Variants in CAMTA1 observed in about 807,000 individuals in gnomAD.
CAMTA1 encodes the protein calmodulin binding transcription activator 1.
In CAMTA1, 27 loss-of-function variants were observed where a neutral mutation model predicts 170.9. The ratio of observed to expected loss-of-function variants is 0.16; its 90% CI spans 0.12 to 0.22. CAMTA1 has a LOEUF of 0.22. Among genes scored for constraint, CAMTA1 ranks in the 10% least tolerant of loss-of-function variants. The pLI, the probability that CAMTA1 is intolerant of heterozygous loss-of-function variation, is 1.00. For missense variants in CAMTA1, 1,619 were observed against 2,217.2 expected (o/e 0.73, Z 5.42); for synonymous variants, 833 against 891.5 (o/e 0.93, Z 1.17).
At chr1:7,620,779 G>A (rs1236880112) in intron 6 of CAMTA1, among the ~76,000 whole-genome samples, 1 of 152,154 alleles carries the variant, frequency 6.6e-6, no homozygotes, top group Non-Finnish European at 1.5e-5. Flanking sequence ...GTCCCCTGAG[G>A]CAAATTTTGG....
intron 11 of CAMTA1, among the ~76,000 whole-genome samples, chr1:7,724,378 G>A (rs6693805): frequency 0.14 from 21,506 of 152,198 alleles, 1,744 homozygotes; most frequent in East Asian, 0.22. Flanking sequence ...AGGAAACTGA[G>A]TGAGGGGCAT....
chr1:7,511,403 T>C (rs11120958), intron 6 of CAMTA1, among the ~76,000 whole-genome samples: 11,795 of 112,628 alleles, frequency 0.1, 1,919 homozygotes, highest in African/African-American at 0.28. Context: ...TTGGCATCTT[T>C]GTGGCATTTA....
intron 6 of CAMTA1, among the ~76,000 whole-genome samples, chr1:7,612,167 G>C (rs114870510): frequency 8.9e-4 from 135 of 152,280 alleles, no homozygotes; most frequent in African/African-American, 3.2e-3. Flanking sequence ...CTTCTTGTCC[G>C]GTATCCCAGA....
At chr1:7,134,877 A>G (rs12072228) in intron 4 of CAMTA1, among the ~76,000 whole-genome samples, 48,798 of 151,876 alleles carry the variant, frequency 0.32, 8,221 homozygotes, top group Middle Eastern at 0.44. Context: ...GAGGTCTAAT[A>G]TCCAGAATCC....
chr1:7,421,745 G>A (rs1423007178), intron 5 of CAMTA1, among the ~76,000 whole-genome samples: 3 of 152,196 alleles, frequency 2.0e-5, no homozygotes, highest in Non-Finnish European at 4.4e-5. Flanking sequence ...GTCCGTGATG[G>A]AGGATGGGAA....
At chr1:7,261,586 C>T (rs1668177142) in intron 5 of CAMTA1, among the ~76,000 whole-genome samples, 1 of 152,174 alleles carries the variant, frequency 6.6e-6, no homozygotes, top group South Asian at 2.1e-4. Context: ...TGCATCTGGA[C>T]CAAGGACAGC....
chr1:7,080,416 C>T (rs1301288293), intron 3 of CAMTA1, among the ~76,000 whole-genome samples: 1 of 152,162 alleles, frequency 6.6e-6, no homozygotes, highest in East Asian at 1.9e-4. Context: ...TTTGATATCT[C>T]CTCCCAAATA....
intron 3 of CAMTA1, among the ~76,000 whole-genome samples, chr1:7,015,559 G>T (rs750669680): frequency 2.6e-5 from 4 of 152,128 alleles, no homozygotes; most frequent in African/African-American, 7.2e-5. Context: ...TTAAATTGAC[G>T]TTTTTGGGGC....
intron 11 of CAMTA1, among the ~76,000 whole-genome samples, chr1:7,679,835 G>C (rs1158590935): frequency 3.3e-5 from 5 of 152,222 alleles, no homozygotes; most frequent in African/African-American, 1.2e-4. Context: ...TCGGCCCAGG[G>C]GCCCTGCAGA....
chr1:7,677,834 G>T lies in CAMTA1; in HGVS notation c.2914+101G>T, dbSNP rs148439146. On this transcript the variant is annotated intron_variant, in intron 11 of 22. Coordinates refer to ENST00000303635, the MANE Select transcript of CAMTA1 (RefSeq NM_015215.4). ...AAGAAGAGTAAGCACCCAGAAAGGG[G>T]CAGGAAGTGGTGCCAATGTGAGCAA... 6,579 of 1,385,944 alleles carry T rather than the reference G, an allele frequency of 4.7e-3. 26 individuals are homozygous for T. Among genetic ancestry groups the T allele is most frequent in the Non-Finnish European group, 5.8e-3 (5,982 of 1,026,586 alleles). The allele number at this position is 1,385,944 out of a possible 1,614,324, so 85.9% of individuals were successfully genotyped here.
intron 4 of CAMTA1, among the ~76,000 whole-genome samples, chr1:7,133,093 T>C (rs1435115672): frequency 6.6e-6 from 1 of 152,202 alleles, no homozygotes; most frequent in Non-Finnish European, 1.5e-5. Context: ...GGGGTAATGC[T>C]AGATTTAGAA....
chr1:6,943,015 G>C (rs1348104141), intron 3 of CAMTA1, among the ~76,000 whole-genome samples: 1 of 152,124 alleles, frequency 6.6e-6, no homozygotes, highest in Non-Finnish European at 1.5e-5. Flanking sequence ...TCTGTTGGGG[G>C]CCTTCGATGT....
rs1210565149 is a variant in CAMTA1, at chr1:7,664,726, A to G, written c.2179A>G (p.Ile727Val). 23 of 1,608,644 alleles carry G rather than the reference A, an allele frequency of 1.4e-5. No homozygotes were observed. Among genetic ancestry groups the G allele is most frequent in the Non-Finnish European group, 2.0e-5 (23 of 1,176,650 alleles). ...HYLQPETNGV[I>V]RSAGGVPILP... is the part of the protein sequence containing the mutation. ...CCTGCAGCCGGAGACCAACGGGGTA[A>G]TCCGAAGCGCCGGCGGCGTCCCCAT... Residue 727 changes from isoleucine to valine, a missense_variant, in exon 9 of 23, where the codon ATC becomes GTC. Ile to Val is a conservative substitution (Grantham distance 29). Transcript: ENST00000303635.
At chr1:7,478,640 T>C (rs1401925800) in intron 6 of CAMTA1, among the ~76,000 whole-genome samples, 3 of 152,258 alleles carry the variant, frequency 2.0e-5, no homozygotes, top group African/African-American at 7.2e-5. Flanking sequence ...CCACAGCGTG[T>C]GCTGTCAGCT....
At chr1:7,577,574 A>T (rs576550433) in intron 6 of CAMTA1, among the ~76,000 whole-genome samples, 26 of 149,922 alleles carry the variant, frequency 1.7e-4, no homozygotes, top group Admixed American at 1.7e-3. Flanking sequence ...TTTTTTTTTT[A>T]AGCATTGAAT....
chr1:7,689,614 T>C (rs930477786), intron 11 of CAMTA1, among the ~76,000 whole-genome samples: 4 of 151,950 alleles, frequency 2.6e-5, no homozygotes, highest in African/African-American at 2.4e-5. Context: ...GGGAAAACAG[T>C]TGATACACCA....
chr1:7,091,203 G>T (rs112894552), intron 3 of CAMTA1, 101 bp from the exon 4 acceptor site: 4 of 785,060 alleles, frequency 5.1e-6, no homozygotes, highest in Non-Finnish European at 8.9e-6. Flanking sequence ...TTCCAGGCTC[G>T]CAAATGAAAA....
chr1:7,762,178 A>G (rs2096981225), intron 22 of CAMTA1, among the ~76,000 whole-genome samples: 1 of 152,230 alleles, frequency 6.6e-6, no homozygotes, highest in African/African-American at 2.4e-5. Context: ...ACAAGCAGGA[A>G]TAATTATTAT....
At chr1:7,090,621 C>A (rs1641343351) in intron 3 of CAMTA1, among the ~76,000 whole-genome samples, 2 of 152,206 alleles carry the variant, frequency 1.3e-5, no homozygotes, top group Non-Finnish European at 2.9e-5. Flanking sequence ...ATCAGTAATT[C>A]TATCTGCAGT....
Sources: allele counts gnomAD v4.1 joint callset (sites outside exome capture counted in the v4.1 genomes callset), GRCh38; gene constraint gnomAD v4.1.1; transcripts MANE v1.5; gene names NCBI Gene and HGNC (gene_info 2026-07-23, HGNC 2026-07-21).